Variants in CSMD3 observed in about 807,000 individuals in gnomAD.
CSMD3 encodes CUB and Sushi multiple domains 3.
CSMD3 carries 177 observed loss-of-function variants against 435.2 expected under a neutral mutation model. The ratio of observed to expected loss-of-function variants is 0.41; its 90% CI spans 0.36 to 0.46. CSMD3 has a LOEUF of 0.46. CSMD3 is among the 20% of genes least tolerant of loss of function. The pLI, the probability that CSMD3 is intolerant of heterozygous loss-of-function variation, is 0.34. For synonymous variants in CSMD3, 1,656 were observed against 1,520.5 expected (o/e 1.09, Z -2.07); for missense variants, 4,265 against 4,504.6 (o/e 0.95, Z 1.52).
At chr8:112,968,583 A>G (rs2084515621) in intron 7 of CSMD3, among the ~76,000 whole-genome samples, 1 of 151,956 alleles carries the variant, frequency 6.6e-6, no homozygotes, top group Admixed American at 6.6e-5. Flanking sequence ...AATCTCTCTT[A>G]CACAGAACAA....
chr8:112,876,919 A>T (rs2081299078), intron 10 of CSMD3, among the ~76,000 whole-genome samples: 1 of 152,204 alleles, frequency 6.6e-6, no homozygotes, highest in South Asian at 2.1e-4. Context: ...ATCTCAGGAT[A>T]CAAAATCAAT....
At chr8:113,035,015 T>G in intron 5 of CSMD3, among the ~76,000 whole-genome samples, 1 of 152,040 alleles carries the variant, frequency 6.6e-6, no homozygotes, top group Non-Finnish European at 1.5e-5. Context: ...ATAGAAAAAC[T>G]TTTATAGAGT....
At chr8:112,547,103 A>G (rs1459660027) in intron 27 of CSMD3, among the ~76,000 whole-genome samples, 1 of 152,186 alleles carries the variant, frequency 6.6e-6, no homozygotes, top group Non-Finnish European at 1.5e-5. Context: ...GGGGGGCTCA[A>G]ATAAAATCTG....
chr8:112,263,709 C>G lies in CSMD3; in HGVS notation c.9792G>C (p.Glu3264Asp), dbSNP rs765381502. The G allele has an allele frequency of 6.2e-7, 1 of 1,613,784 alleles. No homozygotes were observed. The highest frequency in any genetic ancestry group is 8.5e-7 in the Non-Finnish European group (1 of 1,179,792). Reference protein sequence around the residue: ...SISYICSPGYELSFPAVLTCV... With the variant: ...SISYICSPGYDLSFPAVLTCV... ...AGGTCAAAACAGCAGGGAAGGATAG[C>G]TCATAGCCTGGAGAACAGATGTAGC... Residue 3264 changes from glutamate to aspartate, a missense_variant, in exon 61 of 71, where the codon GAG becomes GAC. This residue lies in a region of CSMD3 where 3,255 missense variants were observed against 3,380.2 expected (regional missense o/e 0.96). Coordinates refer to ENST00000297405, the MANE Select transcript of CSMD3 (RefSeq NM_198123.2).
intron 6 of CSMD3, among the ~76,000 whole-genome samples, chr8:112,987,731 T>G (rs2085306953): frequency 6.6e-6 from 1 of 152,134 alleles, no homozygotes; most frequent in African/African-American, 2.4e-5. Context: ...ACTTATGTTT[T>G]ATTTTCACTA....
chr8:112,928,278 A>G (rs1035833529), intron 9 of CSMD3, among the ~76,000 whole-genome samples: 26 of 152,312 alleles, frequency 1.7e-4, no homozygotes, highest in African/African-American at 6.3e-4. Context: ...TCATATGACA[A>G]CAGCTAGTTA....
At chr8:112,610,596 A>C (rs1252287429) in intron 22 of CSMD3, among the ~76,000 whole-genome samples, 1 of 152,224 alleles carries the variant, frequency 6.6e-6, no homozygotes, top group Non-Finnish European at 1.5e-5. Flanking sequence ...TTAACCAATA[A>C]ATAAATGTCC....
At chr8:112,428,660 T>A (rs1813335779) in intron 32 of CSMD3, among the ~76,000 whole-genome samples, 1 of 152,062 alleles carries the variant, frequency 6.6e-6, no homozygotes, top group Non-Finnish European at 1.5e-5. Flanking sequence ...TGGTGGAAAT[T>A]CTTTTCTTGG....
At chr8:113,386,256 G>C (rs936477924) in intron 1 of CSMD3, among the ~76,000 whole-genome samples, 1 of 152,038 alleles carries the variant, frequency 6.6e-6, no homozygotes, top group Non-Finnish European at 1.5e-5. Flanking sequence ...GGGGGTAGTA[G>C]ATGTCTGTAA....
At chr8:112,664,795 C>A (rs1166585895) in intron 17 of CSMD3, among the ~76,000 whole-genome samples, 1 of 152,088 alleles carries the variant, frequency 6.6e-6, no homozygotes, top group Non-Finnish European at 1.5e-5. Context: ...CAGCCATCTA[C>A]AAGGCAAAGG....
At chr8:113,345,069 T>A (rs4398954) in intron 1 of CSMD3, among the ~76,000 whole-genome samples, 141,680 of 152,010 alleles carry the variant, frequency 0.93, 66,124 homozygotes, top group East Asian at 1. Context: ...AATTTTTAGG[T>A]TTTTAAAAAC....
chr8:112,276,854 A>G (rs1818100925), intron 59 of CSMD3, among the ~76,000 whole-genome samples: 1 of 152,060 alleles, frequency 6.6e-6, no homozygotes, highest in Non-Finnish European at 1.5e-5. Context: ...TGGGGCTTGC[A>G]CACTCCAAAG....
chr8:112,306,255 C>T lies in CSMD3; in HGVS notation c.7886-63G>A, dbSNP rs934132892. The T allele has an allele frequency of 5.8e-5, 70 of 1,201,034 alleles. No individual in the cohort carries two copies. The South Asian group carries it at 7.6e-4, about 13-fold the overall frequency. The allele number at this position is 1,201,034 out of a possible 1,614,324, so 74.4% of individuals were successfully genotyped here. ...GAAAAATGTTTAATTTATTAGGTAACTCTGCTGAACTGTAAAACATGCAAA... is the reference window on the plus strand; with the variant it reads ...GAAAAATGTTTAATTTATTAGGTAATTCTGCTGAACTGTAAAACATGCAAA... On this transcript the variant is annotated intron_variant, in intron 50 of 70. Transcript: ENST00000297405.
intron 27 of CSMD3, among the ~76,000 whole-genome samples, chr8:112,538,674 A>G (rs62516502): frequency 0.21 from 32,148 of 152,142 alleles, 4,104 homozygotes; most frequent in East Asian, 0.47. Flanking sequence ...TGAAATTTAT[A>G]AAACACTATT....
chr8:112,338,186 T>C (rs533699557), intron 42 of CSMD3, among the ~76,000 whole-genome samples: 3 of 152,326 alleles, frequency 2.0e-5, no homozygotes, highest in East Asian at 3.9e-4. Context: ...GATCACAATA[T>C]ACTTCTGTTG....
intron 5 of CSMD3, among the ~76,000 whole-genome samples, chr8:113,053,225 T>A (rs963764063): frequency 6.6e-6 from 1 of 152,198 alleles, no homozygotes; most frequent in Non-Finnish European, 1.5e-5. Context: ...TCCATAATTA[T>A]GCTTTTGTTC....
chr8:113,307,985 T>C (rs1246799405), intron 2 of CSMD3, among the ~76,000 whole-genome samples: 1 of 152,146 alleles, frequency 6.6e-6, no homozygotes, highest in Non-Finnish European at 1.5e-5. Context: ...TTTCACAGAA[T>C]GAGAGCTTTA....
intron 22 of CSMD3, among the ~76,000 whole-genome samples, chr8:112,597,766 C>A (rs1251037476): frequency 1.6e-5 from 2 of 127,840 alleles, no homozygotes; most frequent in Non-Finnish European, 3.2e-5. Flanking sequence ...AAGACAAAAA[C>A]CACATGATTA....
At chr8:113,050,518 A>C (rs974976009) in intron 5 of CSMD3, among the ~76,000 whole-genome samples, 2 of 152,128 alleles carry the variant, frequency 1.3e-5, no homozygotes, top group African/African-American at 2.4e-5. Context: ...AGAAAATGGC[A>C]TTAAGGAATT....
Sources: allele counts gnomAD v4.1 joint callset (sites outside exome capture counted in the v4.1 genomes callset), GRCh38; gene constraint gnomAD v4.1.1; regional missense constraint gnomAD v4.1.1; transcripts MANE v1.5; gene names NCBI Gene and HGNC (gene_info 2026-07-23, HGNC 2026-07-21).